The following LTA variants were observed in gnomAD, a reference collection of about 807,000 sequenced individuals.
LTA encodes the protein lymphotoxin alpha, also known as lymphotoxin-alpha.
A neutral mutation model predicts 15.1 loss-of-function variants in LTA; 6 were observed. That is an observed-to-expected ratio of 0.40 (90% CI 0.22 to 0.78). The LOEUF (loss-of-function observed/expected upper bound fraction) is 0.78. LTA is among the 30% of genes least tolerant of loss of function. The pLI is 0.38. For missense variants in LTA, 173 were observed against 249.5 expected, an observed-to-expected ratio of 0.69 and a Z score of 2.06; for synonymous variants, 87 against 107.3, an observed-to-expected ratio of 0.81 and a Z score of 1.17.
upstream of LTA, among the ~76,000 whole-genome samples, chr6:31,567,674 ACACGCACG>A (rs767346078): frequency 2.2e-5 from 1 of 45,510 alleles, no homozygotes; most frequent in Non-Finnish European, 4.8e-5. Context: ...ACACACACAC[ACACGCACG>A]CATGCACGCA....
chr6:31,573,040 A>T lies in LTA; in HGVS notation c.205+7A>T. ...CCTGCTGCTCACCTCATTGGTAAACATCCACCTGACCTCCCAGACATGTCC... is the reference window on the plus strand; with the variant it reads ...CCTGCTGCTCACCTCATTGGTAAACTTCCACCTGACCTCCCAGACATGTCC... On this transcript the variant is annotated splice_region_variant and intron_variant, in intron 3 of 3. Coordinates refer to ENST00000418386, the MANE Select transcript of LTA (RefSeq NM_000595.4). 6.2e-7 allele frequency: 1 copy of T among 1,606,998 alleles called. No individual in the cohort carries two copies. The highest frequency in any genetic ancestry group is 8.5e-7 in the Non-Finnish European group (1 of 1,175,792).
the LTA span, among the ~76,000 whole-genome samples, chr6:31,565,990 C>G: frequency 1.3e-5 from 2 of 151,958 alleles, no homozygotes; most frequent in East Asian, 3.9e-4. Flanking sequence ...CCAGCCTGCC[C>G]AACATGATGA....
the LTA span, among the ~76,000 whole-genome samples, chr6:31,565,909 G>C: frequency 2.6e-5 from 4 of 152,138 alleles, no homozygotes; most frequent in Non-Finnish European, 5.9e-5. Flanking sequence ...GGCTGGGCGC[G>C]TTGGCTATGC....
upstream of LTA, among the ~76,000 whole-genome samples, chr6:31,567,674 A>ACACACACG (rs1554281432): frequency 1.8e-4 from 8 of 45,508 alleles, no homozygotes; most frequent in South Asian, 5.5e-4. Context: ...ACACACACAC[A>ACACACACG]CACGCACGCA....
Position 31,572,984 on chromosome 6 carries a change from C to A in LTA, c.156C>A (p.Pro52=), listed in dbSNP as rs2071589. The A allele has an allele frequency of 6.2e-7, 1 of 1,612,862 alleles. No individual in the cohort carries two copies. The highest frequency in any genetic ancestry group is 1.1e-5 in the South Asian group (1 of 91,072). Residue 52 remains proline, a synonymous_variant, in exon 3 of 4, where the codon CCC becomes CCA. Coordinates refer to ENST00000418386, the MANE Select transcript of LTA (RefSeq NM_000595.4). ...CTGCCCAGACTGCCCGTCAGCACCC[C>A]AAGATGCATCTTGCCCACAGCACCC... ...PSAAQTARQH[P]KMHLAHSTLK...
upstream of LTA, among the ~76,000 whole-genome samples, chr6:31,569,072 C>T (rs1159231803): frequency 6.6e-6 from 1 of 152,150 alleles, no homozygotes; most frequent in Non-Finnish European, 1.5e-5. Context: ...GGCAGTGGCA[C>T]GATCTCGGCT....
chr6:31,569,048 TG>T (rs1322577797), upstream of LTA, among the ~76,000 whole-genome samples: 2 of 152,156 alleles, frequency 1.3e-5, no homozygotes, highest in African/African-American at 4.8e-5. Flanking sequence ...CTCACTTTGT[TG>T]CCCAGGCTGG....
intron 3 of LTA, 71 bp downstream of exon 3, chr6:31,573,104 G>T (rs1770946251): frequency 7.3e-7 from 1 of 1,375,266 alleles, no homozygotes; most frequent in East Asian, 2.4e-5. Context: ...AGGAACCCAA[G>T]CATCCACCCC....
chr6:31,562,611 T>C, the LTA span, among the ~76,000 whole-genome samples: 17 of 151,972 alleles, frequency 1.1e-4, no homozygotes, highest in Admixed American at 5.9e-4. Flanking sequence ...ACACCTGTAA[T>C]CCCAGCACTG....
At position 31,573,399 on chromosome 6, in the gene LTA, C is replaced by T. The variant is rs372799652; in HGVS notation, c.324C>T (p.Phe108=). 28 of 1,613,996 alleles carry T rather than the reference C, an allele frequency of 1.7e-5. No individual in the cohort carries two copies. The highest frequency in any genetic ancestry group is 5.0e-5 in the Admixed American group (3 of 60,004). ...SLLVPTSGIY[F]VYSQVVFSGK... is the part of the protein sequence containing the mutation. The stretch of plus-strand genomic sequence containing the variant: ...TGGTCCCCACCAGTGGCATCTACTT[C>T]GTCTACTCCCAGGTGGTCTTCTCTG... Residue 108 remains phenylalanine, a synonymous_variant, in exon 4 of 4, where the codon TTC becomes TTT. Coordinates refer to ENST00000418386, the MANE Select transcript of LTA (RefSeq NM_000595.4).
upstream of LTA, among the ~76,000 whole-genome samples, chr6:31,567,632 CT>C (rs1476051107): frequency 6.9e-6 from 1 of 144,824 alleles, no homozygotes; most frequent in Non-Finnish European, 1.5e-5. Context: ...CTCCCTCCCC[CT>C]CTCTCCCCTG....
At chr6:31,568,947 C>A (rs112777617), upstream of LTA, among the ~76,000 whole-genome samples, 1 of 151,972 alleles carries the variant, frequency 6.6e-6, no homozygotes, top group Non-Finnish European at 1.5e-5. The surrounding 1 kb of genome is among the most constrained non-coding windows in gnomAD (Gnocchi z 4.1). Context: ...ATTTAAATTT[C>A]TCTCTGTGTC....
At chr6:31,573,130 C>G (rs1770949590) in intron 3 of LTA, 97 bp downstream of exon 3, 1 of 1,227,380 alleles carries the variant, frequency 8.1e-7, no homozygotes, top group Non-Finnish European at 1.2e-6. Flanking sequence ...CCCAACTTCC[C>G]CCACGCTAAA....
Position 31,572,907 on chromosome 6 carries a change from C to A in LTA, c.100-21C>A, listed in dbSNP as rs557604867. The stretch of plus-strand genomic sequence containing the variant: ...CCAAACCTTGAGCCCTAGAGCCCCC[C>A]TCAACTCTGTTCTCCCCTAGGGGCT... On this transcript the variant is annotated intron_variant, in intron 2 of 3. Transcript: ENST00000418386. The A allele has an allele frequency of 1.5e-5, 24 of 1,611,026 alleles. No homozygotes were observed. In the South Asian group the frequency reaches 2.1e-4, roughly 14 times the overall value.
rs374886643 is a variant in LTA, at chr6:31,573,726, G to T, written c.*33G>T. The T allele has an allele frequency of 5.2e-5, 83 of 1,611,292 alleles. No individual in the cohort carries two copies. In the African/African-American group the frequency reaches 7.7e-4, roughly 15 times the overall value. On this transcript the variant is annotated 3_prime_UTR_variant, in exon 4 of 4. Coordinates refer to ENST00000418386, the MANE Select transcript of LTA (RefSeq NM_000595.4). ...AAAAATCCAGAAAGAAAAAATAATT[G>T]ATTTCAAGACCTTCTCCCCATTCTG...
At chr6:31,566,623 G>C in the LTA span, among the ~76,000 whole-genome samples, 1 of 138,198 alleles carries the variant, frequency 7.2e-6, no homozygotes, top group Non-Finnish European at 1.5e-5. Flanking sequence ...CTGGGTGACA[G>C]AGCGATTCTG....
At chr6:31,572,122 G>A (rs1231574015), upstream of LTA, 1 of 154,738 alleles carries the variant, frequency 6.5e-6, no homozygotes, top group African/African-American at 2.4e-5. Context: ...CCCAGCCTGT[G>A]GTTCTCTCCT....
upstream of LTA, among the ~76,000 whole-genome samples, chr6:31,567,598 C>A: frequency 1.2e-5 from 1 of 82,286 alleles, no homozygotes; most frequent in Non-Finnish European, 2.4e-5. Flanking sequence ...CTGCTCACCT[C>A]CCTCTTTCTC....
upstream of LTA, among the ~76,000 whole-genome samples, chr6:31,569,916 A>G (rs1373184820): frequency 6.6e-6 from 1 of 152,140 alleles, no homozygotes; most frequent in Non-Finnish European, 1.5e-5. Context: ...GTACAGAGAG[A>G]CCAAGAAGAA....
Sources: gnomAD v4.1 joint callset for allele counts (sites outside exome capture counted in the v4.1 genomes callset) on GRCh38, gnomAD v4.1.1 for gene constraint, Gnocchi (gnomAD v3.1) non-coding constraint, MANE v1.5 for transcripts, NCBI Gene and HGNC (gene_info 2026-07-23, HGNC 2026-07-21) for gene names.